Variants in IL6 observed in about 807,000 individuals in gnomAD.
IL6 encodes interleukin 6, also known as interleukin-6.
In IL6, 5 loss-of-function variants were observed where a neutral mutation model predicts 18.0. The ratio of observed to expected loss-of-function variants is 0.28; its 90% CI spans 0.15 to 0.58. The LOEUF (loss-of-function observed/expected upper bound fraction) is 0.58. IL6 is among the 20% of genes least tolerant of loss of function. IL6 has a pLI of 0.90. For synonymous variants in IL6, 97 were observed against 95.1 expected (o/e 1.02, Z -0.12); for missense variants, 266 against 251.0 (o/e 1.06, Z -0.40).
At chr7:22,730,104 G>T in intron 4 of IL6, 1 of 985,376 alleles carries the variant, frequency 1.0e-6, no homozygotes, top group Non-Finnish European at 1.2e-6. Flanking sequence ...TTACCAGAGA[G>T]TTAGTTCAGA....
In IL6 at chr7:22,731,396, T is replaced by C. The variant is rs780759201; in HGVS notation, c.472-10T>C. On this transcript the variant is annotated splice_polypyrimidine_tract_variant and intron_variant, in intron 4 of 4. Coordinates refer to ENST00000258743, the MANE Select transcript of IL6 (RefSeq NM_000600.5). ...TTTAAACAATCCTTTTTACTTTCATTTTCCTTCAGGCAAAGAATCTAGATG... is the reference window on the plus strand; with the variant it reads ...TTTAAACAATCCTTTTTACTTTCATCTTCCTTCAGGCAAAGAATCTAGATG... 1 of 1,561,736 alleles carries C rather than the reference T, an allele frequency of 6.4e-7. No homozygotes were observed. Among genetic ancestry groups the C allele is most frequent in the Non-Finnish European group, 8.7e-7 (1 of 1,145,382 alleles).
chr7:22,727,727 C>A, intron 2 of IL6, 93 bp downstream of exon 2: 2 of 1,404,054 alleles, frequency 1.4e-6, no homozygotes, highest in African/African-American at 1.4e-5. Context: ...ATTAGGAGGT[C>A]TTTGCTGGGT....
rs1199711284 is a variant in IL6, at chr7:22,729,642, C to A, written c.453C>A (p.Ile151=). Residue 151 remains isoleucine, a synonymous_variant, in exon 4 of 5, where the codon ATC becomes ATA. Transcript: ENST00000258743. Reference sequence around the variant, plus strand: ...TGCAGATGAGTACAAAAGTCCTGATCCAGTTCCTGCAGAAAAAGGTGGGTG... The same window carrying A: ...TGCAGATGAGTACAAAAGTCCTGATACAGTTCCTGCAGAAAAAGGTGGGTG... ...RAVQMSTKVL[I]QFLQKKAKNL... 6.2e-7 allele frequency: 1 copy of A among 1,613,986 alleles called. No individual in the cohort carries two copies. The highest frequency in any genetic ancestry group is 1.1e-5 in the South Asian group (1 of 91,084).
At chr7:22,728,180 C>G (rs1197750205) in intron 2 of IL6, among the ~76,000 whole-genome samples, 2 of 152,112 alleles carry the variant, frequency 1.3e-5, no homozygotes, top group African/African-American at 4.8e-5. Context: ...AAGAAAAGAA[C>G]ACAGGAGGGG....
intron 2 of IL6, 50 bp downstream of exon 2, chr7:22,727,684 C>T (rs201467540): frequency 6.6e-7 from 1 of 1,517,922 alleles, no homozygotes; most frequent in African/African-American, 1.4e-5. Context: ...CATGCGTTCC[C>T]CTTGCCCCTG....
At chr7:22,730,266 T>C in intron 4 of IL6, 1 of 985,444 alleles carries the variant, frequency 1.0e-6, no homozygotes, top group Non-Finnish European at 1.2e-6. Context: ...CCCTTGGTGC[T>C]GATCCTGCCT....
rs200852701 is a variant in IL6 at position 22,731,604 on chromosome 7, G to A, written c.*31G>A. On this transcript the variant is annotated 3_prime_UTR_variant, in exon 5 of 5. Coordinates refer to ENST00000258743, the MANE Select transcript of IL6 (RefSeq NM_000600.5). ...GCACCTCAGATTGTTGTTGTTAATG[G>A]GCATTCCTTCTTCTGGTCAGAAACC... 8.5e-6 allele frequency: 13 copies of A among 1,531,238 alleles called. No individual in the cohort carries two copies. Among genetic ancestry groups the A allele is most frequent in the Non-Finnish European group, 9.8e-6 (11 of 1,126,290 alleles). 94.9% of individuals were successfully genotyped at this position (1,531,238 alleles called of 1,614,324 possible). A position where few individuals can be genotyped will look rare whatever the true frequency, so the allele number is the denominator to read the frequency against.
At position 22,729,504 on chromosome 7, in the gene IL6, T is replaced by C; in HGVS notation, c.325-10T>C. 1 of 1,607,480 alleles carries C rather than the reference T, an allele frequency of 6.2e-7. No homozygotes were observed. Reference sequence around the variant, plus strand: ...GCGATAACCAATTTTCCCACCATCTTTCCTCTTAGGAGACTTGCCTGGTGA... The same window carrying C: ...GCGATAACCAATTTTCCCACCATCTCTCCTCTTAGGAGACTTGCCTGGTGA... On this transcript the variant is annotated splice_polypyrimidine_tract_variant and intron_variant, in intron 3 of 4. Transcript: ENST00000258743.
Position 22,727,619 on chromosome 7 carries a change from A to C in IL6, c.195A>C (p.Ser65=), listed in dbSNP as rs201410817. 242 of 1,548,748 alleles carry C rather than the reference A, an allele frequency of 1.6e-4. No homozygotes were observed. The highest frequency in any genetic ancestry group is 2.0e-4 in the Non-Finnish European group (234 of 1,148,194). Residue 65 remains serine, a synonymous_variant, in exon 2 of 5, where the codon TCA becomes TCC. Coordinates refer to ENST00000258743, the MANE Select transcript of IL6 (RefSeq NM_000600.5). The part of the protein sequence containing the change: ...KQIRYILDGI[S]ALRKETCNKS... ...TTCGGTACATCCTCGACGGCATCTC[A>C]GCCCTGAGAAAGGAGGTGGGTAGGC...
intron 4 of IL6, among the ~76,000 whole-genome samples, chr7:22,731,062 C>T (rs374414142): frequency 6.6e-6 from 1 of 151,818 alleles, no homozygotes; most frequent in Admixed American, 6.6e-5. Flanking sequence ...ATGGTAAAAC[C>T]CCATCTCTAC....
chr7:22,730,325 G>A (rs1176244446), intron 4 of IL6: 2 of 977,374 alleles, frequency 2.0e-6, no homozygotes, highest in Admixed American at 6.1e-5. Context: ...ACATGCATGG[G>A]AATTCCCTGG....
chr7:22,731,138 T>G (rs566896474), intron 4 of IL6, among the ~76,000 whole-genome samples: 2 of 151,954 alleles, frequency 1.3e-5, no homozygotes, highest in South Asian at 4.2e-4. Flanking sequence ...CTCAGGAGGC[T>G]GAGGCACATG....
chr7:22,729,833 G>T (rs1375000405), intron 4 of IL6, 173 bp downstream of exon 4: 15 of 1,510,740 alleles, frequency 9.9e-6, no homozygotes, highest in Admixed American at 8.6e-5. Flanking sequence ...TGTTTGTTTG[G>T]TTGGTTGGCT....
At chr7:22,727,705 G>C in intron 2 of IL6, 71 bp downstream of exon 2, 3 of 1,500,256 alleles carry the variant, frequency 2.0e-6, no homozygotes, top group East Asian at 2.3e-5. Flanking sequence ...CGTGTGGCCG[G>C]GGGCTGCCTG....
intron 4 of IL6, chr7:22,730,406 C>G (rs953259346): frequency 2.7e-6 from 1 of 374,006 alleles, no homozygotes. Context: ...TTCTACCAGG[C>G]TTATATCCCT....
intron 2 of IL6, among the ~76,000 whole-genome samples, chr7:22,728,165 G>A (rs754991829): frequency 6.6e-6 from 1 of 152,080 alleles, no homozygotes; most frequent in Non-Finnish European, 1.5e-5. Context: ...GTCCTGTTTG[G>A]TAGAAAGAAA....
At chr7:22,729,884 A>G in intron 4 of IL6, 1 of 1,440,528 alleles carries the variant, frequency 6.9e-7, no homozygotes, top group Non-Finnish European at 9.1e-7. Context: ...TTTAAACTAT[A>G]TATTAACTGA....
intron 4 of IL6, among the ~76,000 whole-genome samples, chr7:22,730,828 C>T (rs1784111557): frequency 6.6e-6 from 1 of 152,112 alleles, no homozygotes. Flanking sequence ...GCCTGGATAA[C>T]ATAGCAAGAC....
chr7:22,729,812 A>C, intron 4 of IL6, 152 bp downstream of exon 4: 1 of 1,530,698 alleles, frequency 6.5e-7, no homozygotes, highest in Non-Finnish European at 8.8e-7. Flanking sequence ...TGTTATTGTT[A>C]AATCTTTTTT....
Sources: allele counts gnomAD v4.1 joint callset (sites outside exome capture counted in the v4.1 genomes callset), GRCh38; gene constraint gnomAD v4.1.1; transcripts MANE v1.5; gene names NCBI Gene and HGNC (gene_info 2026-07-23, HGNC 2026-07-21).